Variants in IPO11 observed in about 807,000 individuals in gnomAD.
IPO11 encodes importin 11.
In IPO11, 66 loss-of-function variants were observed where a neutral mutation model predicts 143.2. That is an observed-to-expected ratio of 0.46 (90% confidence interval 0.38 to 0.57). The LOEUF (loss-of-function observed/expected upper bound fraction) is 0.57, where lower values mean the gene tolerates loss of function less well. Ranked by LOEUF, IPO11 falls within the 20% of genes least tolerant of loss-of-function variation. The pLI is 0.00. For synonymous variants in IPO11, 385 were observed against 377.8 expected (o/e 1.02, Z -0.22); for missense variants, 1,026 against 1,141.0 (o/e 0.90, Z 1.45).
intron 8 of IPO11, among the ~76,000 whole-genome samples, chr5:62,476,051 G>C (rs1223550237): frequency 6.6e-6 from 1 of 152,178 alleles, no homozygotes; most frequent in Admixed American, 6.5e-5. Flanking sequence ...ACACTGTCCT[G>C]GGTACTATGC....
intron 27 of IPO11, among the ~76,000 whole-genome samples, chr5:62,578,420 A>G (rs1476015596): frequency 6.6e-6 from 1 of 152,102 alleles, no homozygotes; most frequent in African/African-American, 2.4e-5. Context: ...TTATTCATTA[A>G]AAAGTTTACA....
In IPO11 at chr5:62,470,816, C is replaced by CTTTTTTTTTTTTTTTTTTT. The variant is rs70981015; in HGVS notation, c.708+519_708+537dup. 9.1e-4 allele frequency among the ~76,000 whole-genome samples: 57 copies of CTTTTTTTTTTTTTTTTTTT among 62,562 alleles called. 15 individuals carry two copies. Among genetic ancestry groups the CTTTTTTTTTTTTTTTTTTT allele is most frequent in the East Asian group, 2.1e-3 (3 of 1,418 alleles). The allele number at this position is 62,562 out of a possible 152,430, so 41.0% of individuals were successfully genotyped here. ...TTCATTGTCTGTAGATAGCCATCTTCTTTTTTTTTTTTTTTTTTTTTTTTT... is the reference window on the plus strand; with the variant it reads ...TTCATTGTCTGTAGATAGCCATCTTCTTTTTTTTTTTTTTTTTTTTTTTTTTTTTTTTTTTTTTTTTTTT... On this transcript the variant is annotated intron_variant, in intron 7 of 29. Transcript: ENST00000325324.
intron 3 of IPO11, among the ~76,000 whole-genome samples, chr5:62,445,654 T>C (rs1261093369): frequency 1.3e-5 from 2 of 152,192 alleles, no homozygotes; most frequent in Non-Finnish European, 2.9e-5. Flanking sequence ...TTTATTACTT[T>C]ATTATAAAAT....
In IPO11 at chr5:62,617,516, C is replaced by G. The variant is rs1746184688; in HGVS notation, c.2764-9638C>G. On this transcript the variant is annotated intron_variant, in intron 29 of 29. Coordinates refer to ENST00000325324, the MANE Select transcript of IPO11 (RefSeq NM_016338.5). Reference sequence around the variant, plus strand: ...AGTCTGTTATTTTCTAATTTAGTAACATTAATGTGCCATAGCACACCCCTA... The same window carrying G: ...AGTCTGTTATTTTCTAATTTAGTAAGATTAATGTGCCATAGCACACCCCTA... 1.3e-5 allele frequency among the ~76,000 whole-genome samples: 2 copies of G among 152,272 alleles called. 1 individual carries two copies. The highest frequency in any genetic ancestry group is 3.9e-4 in the East Asian group (2 of 5,180).
At chr5:62,454,655 A>G (rs1410701210) in intron 5 of IPO11, among the ~76,000 whole-genome samples, 1 of 152,162 alleles carries the variant, frequency 6.6e-6, no homozygotes, top group East Asian at 1.9e-4. Flanking sequence ...AAAGAAGTAT[A>G]TGCTTAATTA....
chr5:62,482,130 G>A (rs557948950), intron 9 of IPO11, among the ~76,000 whole-genome samples: 2 of 152,122 alleles, frequency 1.3e-5, no homozygotes, highest in South Asian at 4.2e-4. Context: ...GGGATTGGTG[G>A]TGATACTCCT....
Position 62,524,416 on chromosome 5 carries a change from TTAAG to T in IPO11, c.1897-1719_1897-1716del. ...ATGCTAGCATATTTTGAATACACAT[TTAAG>T]TAAGTAGATAAATTTTCCAAGGAAA... On this transcript the variant is annotated intron_variant, in intron 20 of 29. Transcript: ENST00000325324. Among the ~76,000 whole-genome samples, 3 of 152,282 alleles carry T rather than the reference TTAAG, an allele frequency of 2.0e-5. No homozygotes were observed. In the South Asian group the frequency reaches 6.2e-4, roughly 32 times the overall value.
At chr5:62,608,633 A>G (rs1304419943) in intron 29 of IPO11, among the ~76,000 whole-genome samples, 1 of 151,910 alleles carries the variant, frequency 6.6e-6, no homozygotes, top group Non-Finnish European at 1.5e-5. Context: ...TTTTCTCCCC[A>G]CTGAGTTTTC....
chr5:62,481,541 T>C (rs1028095249), intron 9 of IPO11, among the ~76,000 whole-genome samples: 2 of 152,226 alleles, frequency 1.3e-5, no homozygotes, highest in Non-Finnish European at 2.9e-5. Context: ...TCTTTGGGTC[T>C]GTTTATGTGA....
At chr5:62,431,329 C>T (rs1743979284) in intron 1 of IPO11, among the ~76,000 whole-genome samples, 1 of 151,914 alleles carries the variant, frequency 6.6e-6, no homozygotes, top group Admixed American at 6.6e-5. Flanking sequence ...CCACCAGGCA[C>T]TTCTGTGCAC....
chr5:62,627,357 A>G lies in IPO11; in HGVS notation c.*39A>G. 1 of 1,586,162 alleles carries G rather than the reference A, an allele frequency of 6.3e-7. No individual in the cohort carries two copies. The highest frequency in any genetic ancestry group is 1.3e-5 in the African/African-American group (1 of 74,690). On this transcript the variant is annotated 3_prime_UTR_variant, in exon 30 of 30. Coordinates refer to ENST00000325324, the MANE Select transcript of IPO11 (RefSeq NM_016338.5). The stretch of plus-strand genomic sequence containing the variant: ...GTGGCTGCCTCCCCTTTCAGAAACA[A>G]GCTGAGTAACCCAGCCTGCCGTTTG...
At chr5:62,620,078 T>A (rs1469100653) in intron 29 of IPO11, among the ~76,000 whole-genome samples, 5 of 151,900 alleles carry the variant, frequency 3.3e-5, no homozygotes, top group Non-Finnish European at 4.4e-5. Context: ...TGTAAAATAT[T>A]TTAAGAGATT....
intron 29 of IPO11, among the ~76,000 whole-genome samples, chr5:62,613,168 C>T (rs554761616): frequency 1.3e-5 from 2 of 152,058 alleles, no homozygotes; most frequent in South Asian, 4.2e-4. Context: ...ATGGCTTGTT[C>T]ATATTTCCCT....
chr5:62,443,382 A>AGTGT (rs4024083), intron 3 of IPO11: 299 of 159,548 alleles, frequency 1.9e-3, no homozygotes, highest in East Asian at 2.0e-3. Flanking sequence ...TTTCCATTTG[A>AGTGT]GTGTGTGTGT....
chr5:62,542,239 G>A lies in IPO11; in HGVS notation c.2250+4950G>A, dbSNP rs184387940. Among the ~76,000 whole-genome samples, 303 of 151,976 alleles carry A rather than the reference G, an allele frequency of 2.0e-3. 2 individuals are homozygous for A. Among genetic ancestry groups the A allele is most frequent in the African/African-American group, 7.2e-3 (297 of 41,482 alleles). Reference sequence around the variant, plus strand: ...GTATTTTTATACGAATATTGCTGTAGCTAAATCTGTATGTTTGGTTTAAAA... The same window carrying A: ...GTATTTTTATACGAATATTGCTGTAACTAAATCTGTATGTTTGGTTTAAAA... On this transcript the variant is annotated intron_variant, in intron 24 of 29. Coordinates refer to ENST00000325324, the MANE Select transcript of IPO11 (RefSeq NM_016338.5).
chr5:62,465,919 T>G (rs569262000), intron 5 of IPO11, among the ~76,000 whole-genome samples: 1 of 152,348 alleles, frequency 6.6e-6, no homozygotes, highest in Non-Finnish European at 1.5e-5. Context: ...CTAATGTGAC[T>G]TGTGGGATGC....
chr5:62,468,583 C>T (rs948423175), intron 6 of IPO11, among the ~76,000 whole-genome samples: 12 of 152,154 alleles, frequency 7.9e-5, no homozygotes, highest in Non-Finnish European at 1.8e-4. Context: ...ATTACAGAAA[C>T]TGATATAAGG....
At chr5:62,547,250 A>G (rs140766816) in intron 24 of IPO11, among the ~76,000 whole-genome samples, 99 of 152,284 alleles carry the variant, frequency 6.5e-4, no homozygotes, top group African/African-American at 2.4e-3. Context: ...TCATATGTGT[A>G]TATGAATAGT....
At chr5:62,422,169 C>G (rs1743537391) in intron 1 of IPO11, among the ~76,000 whole-genome samples, 1 of 152,068 alleles carries the variant, frequency 6.6e-6, no homozygotes, top group Admixed American at 6.6e-5. Flanking sequence ...GCTTGTTGCC[C>G]AGGCTGGAGT....
Sources: gnomAD v4.1 joint callset for allele counts (sites outside exome capture counted in the v4.1 genomes callset) on GRCh38, gnomAD v4.1.1 for gene constraint, MANE v1.5 for transcripts, NCBI Gene and HGNC (gene_info 2026-07-23, HGNC 2026-07-21) for gene names.